The following HIP1 variants were observed in gnomAD, a reference collection of about 807,000 sequenced individuals.
The protein encoded by HIP1 is huntingtin-interacting protein 1.
Under a neutral mutation model 147.6 loss-of-function variants are expected in HIP1, and 65 were observed. The observed-to-expected ratio is 0.44, with a 90% CI of 0.36 to 0.54. The LOEUF (loss-of-function observed/expected upper bound fraction) is 0.54, where lower values mean the gene tolerates loss of function less well. HIP1 is among the 20% of genes least tolerant of loss of function. The pLI is 0.00. For missense variants in HIP1, 1,061 were observed against 1,299.6 expected (o/e 0.82, Z 2.82); for synonymous variants, 479 against 504.0 (o/e 0.95, Z 0.67).
At chr7:75,671,883 C>T (rs1339814397) in intron 1 of HIP1, among the ~76,000 whole-genome samples, 2 of 152,224 alleles carry the variant, frequency 1.3e-5, no homozygotes, top group Non-Finnish European at 2.9e-5. Context: ...TACAGCTACG[C>T]GTCACCATGC....
intron 1 of HIP1, among the ~76,000 whole-genome samples, chr7:75,600,037 T>C (rs1230132613): frequency 1.3e-5 from 2 of 151,584 alleles, no homozygotes; most frequent in Non-Finnish European, 2.9e-5. Flanking sequence ...GGTTTCACCA[T>C]GTTGGTTGGC....
intron 27 of HIP1, among the ~76,000 whole-genome samples, 180 bp downstream of exon 27, chr7:75,544,515 A>T (rs1108493): frequency 0.069 from 10,466 of 152,086 alleles, 494 homozygotes; most frequent in South Asian, 0.11. Context: ...GTACTCTCTA[A>T]CCCCTTAGTA....
intron 1 of HIP1, among the ~76,000 whole-genome samples, chr7:75,732,247 A>G (rs1262718243): frequency 1.3e-5 from 2 of 152,142 alleles, no homozygotes; most frequent in African/African-American, 2.4e-5. Context: ...CAGGCCCTCA[A>G]TAAATATTTG....
At chr7:75,562,008 T>C in intron 12 of HIP1, 65 bp downstream of exon 12, 1 of 934,502 alleles carries the variant, frequency 1.1e-6, no homozygotes, top group South Asian at 1.3e-5. Context: ...TTGGTTAGTG[T>C]TTTGAGGCAG....
At chr7:75,627,977 G>T (rs1400735106) in intron 1 of HIP1, among the ~76,000 whole-genome samples, 1 of 152,190 alleles carries the variant, frequency 6.6e-6, no homozygotes, top group Non-Finnish European at 1.5e-5. Context: ...ATGAACAGGG[G>T]TTCCAGAGTT....
chr7:75,545,941 AAAAC>A (rs1336433525), intron 25 of HIP1, among the ~76,000 whole-genome samples: 18 of 152,314 alleles, frequency 1.2e-4, no homozygotes, highest in East Asian at 1.2e-3. Context: ...CTCAGTCTCA[AAAAC>A]AAACAAACAA....
chr7:75,654,812 G>A (rs1285629340), intron 1 of HIP1: 2 of 152,146 alleles, frequency 1.3e-5, no homozygotes, highest in Admixed American at 6.6e-5. Context: ...TTGAACCCAG[G>A]AGTTCTAGCC....
chr7:75,553,380 G>A lies in HIP1; in HGVS notation c.2295+73C>T, dbSNP rs188117398. Reference sequence around the variant, plus strand: ...GAAAGAACTAGCTCAGAACATCACCGATTCCCTGGCCATTCACCAGCACGC... The same window carrying A: ...GAAAGAACTAGCTCAGAACATCACCAATTCCCTGGCCATTCACCAGCACGC... On this transcript the variant is annotated intron_variant, in intron 22 of 30. Transcript: ENST00000336926. 25 of 1,534,966 alleles carry A rather than the reference G, an allele frequency of 1.6e-5. No individual in the cohort carries two copies. The Admixed American group carries it at 2.6e-4, about 16-fold the overall frequency.
At chr7:75,639,108 C>T in intron 1 of HIP1, 5 of 984,758 alleles carry the variant, frequency 5.1e-6, no homozygotes, top group Non-Finnish European at 6.0e-6. Context: ...CTGGAGATCC[C>T]GCTTCCCCCA....
chr7:75,626,886 AACACACACACAC>A (rs10667159), intron 1 of HIP1: 2 of 149,720 alleles, frequency 1.3e-5, no homozygotes, highest in East Asian at 3.9e-4. Context: ...CATGCACACA[AACACACACACAC>A]ACACACACAC....
At chr7:75,546,357 A>T (rs587655490) in intron 25 of HIP1, among the ~76,000 whole-genome samples, 1 of 152,338 alleles carries the variant, frequency 6.6e-6, no homozygotes, top group South Asian at 2.1e-4. Flanking sequence ...GCACCAGCAA[A>T]GCAGGCCTGG....
chr7:75,732,478 G>A (rs997991001), intron 1 of HIP1, among the ~76,000 whole-genome samples: 6 of 151,890 alleles, frequency 4.0e-5, no homozygotes, highest in Non-Finnish European at 5.9e-5. Context: ...TTAAACAATC[G>A]TCCTGTCTCT....
At chr7:75,647,203 TAAAAATACAA>T in intron 1 of HIP1, among the ~76,000 whole-genome samples, 1 of 29,218 alleles carries the variant, frequency 3.4e-5, no homozygotes, top group Non-Finnish European at 6.3e-5. Flanking sequence ...CCATCTCTAC[TAAAAATACAA>T]AAAAAAAAAA....
intron 1 of HIP1, among the ~76,000 whole-genome samples, chr7:75,614,332 G>A (rs889591992): frequency 1.1e-4 from 16 of 152,066 alleles, no homozygotes; most frequent in East Asian, 3.9e-4. Context: ...TGAGCCATGC[G>A]CTGGGCCCTA....
chr7:75,691,257 G>T (rs1298846548), intron 1 of HIP1, among the ~76,000 whole-genome samples: 3 of 152,076 alleles, frequency 2.0e-5, no homozygotes, highest in Non-Finnish European at 2.9e-5. Flanking sequence ...GGGAGGCCCG[G>T]GCAGGAGGAT....
At chr7:75,645,381 CA>C (rs1798770376) in intron 1 of HIP1, among the ~76,000 whole-genome samples, 1 of 151,994 alleles carries the variant, frequency 6.6e-6, no homozygotes, top group Non-Finnish European at 1.5e-5. Context: ...CATGCACCAC[CA>C]CACCCAGCTA....
intron 1 of HIP1, among the ~76,000 whole-genome samples, chr7:75,619,031 C>T (rs1797756821): frequency 6.6e-6 from 1 of 152,084 alleles, no homozygotes; most frequent in African/African-American, 2.4e-5. Flanking sequence ...AGCCTTTGGT[C>T]AGTGGTTCCC....
Position 75,553,549 on chromosome 7 carries a change from G to A in HIP1, c.2199C>T (p.Leu733=), listed in dbSNP as rs141959446. 3.8e-5 allele frequency: 61 copies of A among 1,613,980 alleles called. No individual in the cohort carries two copies. Among genetic ancestry groups the A allele is most frequent in the African/African-American group, 2.9e-4 (22 of 74,936 alleles). ...EACKQYGRET[L]AYLASLEEEG... ...CTTCCTCCAGGGAGGCCAGGTAGGC[G>A]AGGGTTTCCCTGCCATACTGCTTAC... is the stretch of plus-strand genomic sequence containing the variant. The change falls in exon 22 of 31, where the codon CTC becomes CTT. Residue 733 remains leucine, a synonymous_variant. Transcript: ENST00000336926.
At chr7:75,691,988 C>G (rs929470886) in intron 1 of HIP1, among the ~76,000 whole-genome samples, 6 of 152,050 alleles carry the variant, frequency 3.9e-5, no homozygotes, top group African/African-American at 1.4e-4. Context: ...CTGTACAACA[C>G]TGTGGAAGTC....
Sources: gnomAD v4.1 joint callset for allele counts (sites outside exome capture counted in the v4.1 genomes callset) on GRCh38, gnomAD v4.1.1 for gene constraint, MANE v1.5 for transcripts, NCBI Gene and HGNC (gene_info 2026-07-23, HGNC 2026-07-21) for gene names.